Variants in PCDHGC3 observed in about 807,000 individuals in gnomAD.
The protein encoded by PCDHGC3 is protocadherin gamma subfamily C, 3.
Under a neutral mutation model 59.2 loss-of-function variants are expected in PCDHGC3, and 26 were observed. The observed-to-expected ratio is 0.44, with a 90% CI of 0.32 to 0.61. The LOEUF is 0.61. Ranked by LOEUF, PCDHGC3 falls within the 20% of genes least tolerant of loss-of-function variation. PCDHGC3 has a pLI of 0.05. For missense variants in PCDHGC3, 1,080 were observed against 1,221.8 expected (o/e 0.88, Z 1.73); for synonymous variants, 487 against 519.7 (o/e 0.94, Z 0.86).
intron 1 of PCDHGC3, among the ~76,000 whole-genome samples, chr5:141,483,124 G>A (rs1468216170): frequency 6.6e-6 from 1 of 152,154 alleles, no homozygotes; most frequent in East Asian, 1.9e-4. Flanking sequence ...GTCTTTGTAG[G>A]AGATGAGGTG....
chr5:141,489,427 C>T lies in PCDHGC3; in HGVS notation c.2431-5380C>T, dbSNP rs370540900. 83 of 1,613,990 alleles carry T rather than the reference C, an allele frequency of 5.1e-5. No individual in the cohort carries two copies. The highest frequency in any genetic ancestry group is 8.3e-5 in the Admixed American group (5 of 59,996). On this transcript the variant is annotated intron_variant, in intron 1 of 3. Transcript: ENST00000308177. The surrounding 1 kb of genome is among the most constrained non-coding windows in gnomAD (Gnocchi z 4.5). ...AAAGATGACAGATCTGTTGAGCCGGCGGCTGCAATTGGGCTCTGAGGAGAA... is the reference window on the plus strand; with the variant it reads ...AAAGATGACAGATCTGTTGAGCCGGTGGCTGCAATTGGGCTCTGAGGAGAA...
Position 141,486,824 on chromosome 5 carries a change from G to A in PCDHGC3, c.2431-7983G>A, listed in dbSNP as rs749609525. On this transcript the variant is annotated intron_variant, in intron 1 of 3. Coordinates refer to ENST00000308177, the MANE Select transcript of PCDHGC3 (RefSeq NM_002588.4). The surrounding 1 kb of genome is among the most constrained non-coding windows in gnomAD (Gnocchi z 5.0). ...CCCACCCCTTAGCAGCACTGTAACA[G>A]TTCGTCTATTTGTGCTGGACCTCAA... is the stretch of plus-strand genomic sequence containing the variant. 1 of 1,614,218 alleles carries A rather than the reference G, an allele frequency of 6.2e-7. No homozygotes were observed. Among genetic ancestry groups the A allele is most frequent in the Non-Finnish European group, 8.5e-7 (1 of 1,180,028 alleles).
Position 141,485,448 on chromosome 5 carries a change from G to A in PCDHGC3, c.2430+6902G>A. On this transcript the variant is annotated intron_variant, in intron 1 of 3. Coordinates refer to ENST00000308177, the MANE Select transcript of PCDHGC3 (RefSeq NM_002588.4). This position sits in a 1 kb window ranked among gnomAD's most constrained non-coding sequence, Gnocchi z 5.7. ...CTGCTCATCAAGAACCCAATCGACC[G>A]AGAGGCACTGTGTGGGCTCAGTGCC... is the stretch of plus-strand genomic sequence containing the variant. 1 of 1,614,154 alleles carries A rather than the reference G, an allele frequency of 6.2e-7. No homozygotes were observed.
intron 2 of PCDHGC3, among the ~76,000 whole-genome samples, chr5:141,504,786 C>A (rs568185327): frequency 6.6e-6 from 1 of 152,014 alleles, no homozygotes; most frequent in South Asian, 2.1e-4. Context: ...TCTCTTGGGG[C>A]CTCCTACATC....
At chr5:141,502,008 C>T (rs753492460) in intron 2 of PCDHGC3, among the ~76,000 whole-genome samples, 6 of 152,086 alleles carry the variant, frequency 3.9e-5, no homozygotes, top group Non-Finnish European at 8.8e-5. Context: ...AACCCGCATG[C>T]TCTCCTCCCT....
Position 141,511,015 on chromosome 5 carries a change from C to A in PCDHGC3, c.2647C>A (p.Pro883Thr). Residue 883 changes from proline (P) to threonine (T), a missense_variant, in exon 4 of 4, where the codon CCC becomes ACC. Coordinates refer to ENST00000308177, the MANE Select transcript of PCDHGC3 (RefSeq NM_002588.4). ...GTMGLSARYG[P>T]QFTLQHVPDY... ...CATGGGATTGAGCGCCCGCTACGGA[C>A]CCCAGTTCACCCTGCAGCACGTGCC... 6.2e-7 allele frequency: 1 copy of A among 1,614,224 alleles called. No individual in the cohort carries two copies. The highest frequency in any genetic ancestry group is 8.5e-7 in the Non-Finnish European group (1 of 1,180,038).
At chr5:141,500,184 T>A (rs889800014) in intron 2 of PCDHGC3, among the ~76,000 whole-genome samples, 89 of 135,966 alleles carry the variant, frequency 6.5e-4, no homozygotes, top group African/African-American at 2.4e-3. Flanking sequence ...TCATTTTTAT[T>A]TTTATTTATT....
Position 141,491,706 on chromosome 5 carries a change from G to T in PCDHGC3, c.2431-3101G>T. 6.2e-7 allele frequency: 1 copy of T among 1,611,088 alleles called. No individual in the cohort carries two copies. Among genetic ancestry groups the T allele is most frequent in the Non-Finnish European group, 8.5e-7 (1 of 1,178,772 alleles). On this transcript the variant is annotated intron_variant, in intron 1 of 3. Coordinates refer to ENST00000308177, the MANE Select transcript of PCDHGC3 (RefSeq NM_002588.4). The surrounding 1 kb of genome is among the most constrained non-coding windows in gnomAD (Gnocchi z 6.9). Reference sequence around the variant, plus strand: ...CGCTGCGGGAGCGGAGCCAGGTGAGGGGCTCGGCGCCGCCCCGGGCGACCC... The same window carrying T: ...CGCTGCGGGAGCGGAGCCAGGTGAGTGGCTCGGCGCCGCCCCGGGCGACCC...
At position 141,489,219 on chromosome 5, in the gene PCDHGC3, T is replaced by C; in HGVS notation, c.2431-5588T>C. 1 of 1,502,828 alleles carries C rather than the reference T, an allele frequency of 6.7e-7. No homozygotes were observed. Among genetic ancestry groups the C allele is most frequent in the Non-Finnish European group, 8.9e-7 (1 of 1,117,962 alleles). 93.1% of individuals were successfully genotyped at this position (1,502,828 alleles called of 1,614,324 possible). On this transcript the variant is annotated intron_variant, in intron 1 of 3. Transcript: ENST00000308177. This position sits in a 1 kb window ranked among gnomAD's most constrained non-coding sequence, Gnocchi z 4.5. ...GAGACAGGACAGCACAGACTTACTC[T>C]CCACAAAGGGACTTCTGGGTCATGG...
At chr5:141,497,768 G>A (rs920949258) in intron 2 of PCDHGC3, among the ~76,000 whole-genome samples, 8 of 152,070 alleles carry the variant, frequency 5.3e-5, no homozygotes, top group East Asian at 1.9e-4. Flanking sequence ...CAAACTCCCC[G>A]ACCTCAACTG....
Position 141,489,900 on chromosome 5 carries a change from A to T in PCDHGC3, c.2431-4907A>T. ...TTACTGCTGTGGATGGGGGGACCCC[A>T]GCCCGCTCAGGGACCACCCTTATCT... On this transcript the variant is annotated intron_variant, in intron 1 of 3. Coordinates refer to ENST00000308177, the MANE Select transcript of PCDHGC3 (RefSeq NM_002588.4). This position sits in a 1 kb window ranked among gnomAD's most constrained non-coding sequence, Gnocchi z 4.5. The T allele has an allele frequency of 6.2e-7, 1 of 1,614,254 alleles. No homozygotes were observed. The highest frequency in any genetic ancestry group is 8.5e-7 in the Non-Finnish European group (1 of 1,180,044).
Position 141,491,730 on chromosome 5 carries a change from C to A in PCDHGC3, c.2431-3077C>A, listed in dbSNP as rs1346666614. ...GGGGCTCGGCGCCGCCCCGGGCGAC[C>A]CCTGGGGGCGGCACTGGAGAAGCCG... On this transcript the variant is annotated intron_variant, in intron 1 of 3. Coordinates refer to ENST00000308177, the MANE Select transcript of PCDHGC3 (RefSeq NM_002588.4). This position sits in a 1 kb window ranked among gnomAD's most constrained non-coding sequence, Gnocchi z 6.9. 3.1e-6 allele frequency: 5 copies of A among 1,603,920 alleles called. No individual in the cohort carries two copies. The East Asian group carries it at 6.7e-5, about 22-fold the overall frequency.
Position 141,485,870 on chromosome 5 carries a change from C to T in PCDHGC3, c.2430+7324C>T. The stretch of plus-strand genomic sequence containing the variant: ...CACCGCAGAGCTCCGGGTATCCGTG[C>T]TGGACGTAAACGACAACGCCCCAGC... On this transcript the variant is annotated intron_variant, in intron 1 of 3. Coordinates refer to ENST00000308177, the MANE Select transcript of PCDHGC3 (RefSeq NM_002588.4). This position sits in a 1 kb window ranked among gnomAD's most constrained non-coding sequence, Gnocchi z 5.7. 6.2e-7 allele frequency: 1 copy of T among 1,614,174 alleles called. No homozygotes were observed. The highest frequency in any genetic ancestry group is 8.5e-7 in the Non-Finnish European group (1 of 1,180,032).
At chr5:141,499,136 G>A (rs1488844131) in intron 2 of PCDHGC3, among the ~76,000 whole-genome samples, 1 of 152,100 alleles carries the variant, frequency 6.6e-6, no homozygotes, top group Non-Finnish European at 1.5e-5. Flanking sequence ...CATCCTTTGG[G>A]TGTCTGATCC....
Position 141,489,753 on chromosome 5 carries a change from T to A in PCDHGC3, c.2431-5054T>A, listed in dbSNP as rs549652158. On this transcript the variant is annotated intron_variant, in intron 1 of 3. Transcript: ENST00000308177. The surrounding 1 kb of genome is among the most constrained non-coding windows in gnomAD (Gnocchi z 4.5). ...GCACCAATACTGTGAGCTTTTACAC[T>A]CTAAGCCCCAACAGCCACTTCTCTC... 6.2e-7 allele frequency: 1 copy of A among 1,614,070 alleles called. No homozygotes were observed. The highest frequency in any genetic ancestry group is 2.2e-5 in the East Asian group (1 of 44,866).
rs368512862 is a variant in PCDHGC3 at position 141,491,734 on chromosome 5, G to T, written c.2431-3073G>T. ...CTCGGCGCCGCCCCGGGCGACCCCT[G>T]GGGGCGGCACTGGAGAAGCCGCCCG... On this transcript the variant is annotated intron_variant, in intron 1 of 3. Transcript: ENST00000308177. The surrounding 1 kb of genome is among the most constrained non-coding windows in gnomAD (Gnocchi z 6.9). 2.5e-4 allele frequency: 403 copies of T among 1,602,056 alleles called. No individual in the cohort carries two copies. Among genetic ancestry groups the T allele is most frequent in the Non-Finnish European group, 3.2e-4 (380 of 1,174,948 alleles).
At chr5:141,495,065 T>C (rs1413025171) in intron 2 of PCDHGC3, among the ~76,000 whole-genome samples, 200 bp downstream of exon 2, 1 of 152,148 alleles carries the variant, frequency 6.6e-6, no homozygotes, top group Admixed American at 6.5e-5. Flanking sequence ...TTCAGGAAGC[T>C]CAATTCACAT....
intron 1 of PCDHGC3, among the ~76,000 whole-genome samples, chr5:141,483,302 C>G (rs1262756268): frequency 2.0e-5 from 3 of 152,012 alleles, no homozygotes; most frequent in Admixed American, 6.5e-5. Context: ...AGTGAAGGGA[C>G]TGGGGACATT....
chr5:141,509,298 C>A (rs974744333), intron 3 of PCDHGC3, among the ~76,000 whole-genome samples: 1 of 152,180 alleles, frequency 6.6e-6, no homozygotes, highest in Non-Finnish European at 1.5e-5. Flanking sequence ...AGGGTGGAGG[C>A]AGAGGGAGGC....
Sources: gnomAD v4.1 joint callset for allele counts (sites outside exome capture counted in the v4.1 genomes callset) on GRCh38, gnomAD v4.1.1 for gene constraint, Gnocchi (gnomAD v3.1) non-coding constraint, MANE v1.5 for transcripts, NCBI Gene and HGNC (gene_info 2026-07-23, HGNC 2026-07-21) for gene names.